Variants in MAN1C1 observed in about 807,000 individuals in gnomAD.
MAN1C1 encodes the protein mannosyl-oligosaccharide 1,2-alpha-mannosidase IC.
In MAN1C1, 49 loss-of-function variants were observed where a neutral mutation model predicts 71.5. That is an observed-to-expected ratio of 0.69 (90% CI 0.54 to 0.87). The LOEUF is 0.87. Among genes scored for constraint, MAN1C1 ranks in the 40% least tolerant of loss-of-function variants. The probability of loss-of-function intolerance (pLI) is 0.00; values close to 1 mark genes in which losing one functional copy is unlikely to be tolerated. For missense variants in MAN1C1, 743 were observed against 835.0 expected, an observed-to-expected ratio of 0.89 and a Z score of 1.36; for synonymous variants, 352 against 343.7, an observed-to-expected ratio of 1.02 and a Z score of -0.27.
At chr1:25,657,539 T>C (rs919392611) in intron 1 of MAN1C1, among the ~76,000 whole-genome samples, 18 of 152,226 alleles carry the variant, frequency 1.2e-4, no homozygotes, top group African/African-American at 3.6e-4. Flanking sequence ...AAGAAATAAT[T>C]TCCTACCCAT....
At chr1:25,758,859 ATAG>A in intron 6 of MAN1C1, 150 bp downstream of exon 6, 1 of 706,840 alleles carries the variant, frequency 1.4e-6, no homozygotes, top group Non-Finnish European at 2.5e-6. Context: ...AAGGTAGCAA[ATAG>A]TAGCTACCTA....
intron 2 of MAN1C1, among the ~76,000 whole-genome samples, chr1:25,727,242 G>T (rs904301669): frequency 1.3e-5 from 2 of 152,142 alleles, no homozygotes; most frequent in Admixed American, 1.3e-4. Context: ...CACTGCTCAG[G>T]GTGGGGATAA....
At chr1:25,713,260 A>T (rs1251821443) in intron 2 of MAN1C1, among the ~76,000 whole-genome samples, 4 of 152,102 alleles carry the variant, frequency 2.6e-5, no homozygotes, top group Non-Finnish European at 5.9e-5. Flanking sequence ...GAACAAGGAG[A>T]TGGAGGGATG....
intron 2 of MAN1C1, among the ~76,000 whole-genome samples, chr1:25,690,569 G>A (rs1369892399): frequency 6.6e-6 from 1 of 152,222 alleles, no homozygotes; most frequent in East Asian, 1.9e-4. Flanking sequence ...GGGATTACAG[G>A]CATGAGCCAC....
intron 1 of MAN1C1, among the ~76,000 whole-genome samples, chr1:25,636,611 A>G (rs1302868764): frequency 2.0e-5 from 3 of 152,190 alleles, no homozygotes. Context: ...TTCAAGGTAC[A>G]CTGATTTCAT....
At position 25,782,550 on chromosome 1, in the gene MAN1C1, A is replaced by T; in HGVS notation, c.1651-35A>T. 6.8e-7 allele frequency: 1 copy of T among 1,465,730 alleles called. No individual in the cohort carries two copies. Among genetic ancestry groups the T allele is most frequent in the Non-Finnish European group, 9.6e-7 (1 of 1,044,862 alleles). 90.8% of individuals were successfully genotyped at this position (1,465,730 alleles called of 1,614,324 possible). On this transcript the variant is annotated intron_variant, in intron 10 of 11. Transcript: ENST00000374332. The surrounding 1 kb of genome is among the most constrained non-coding windows in gnomAD (Gnocchi z 4.4). ...TGAGGGGCCTTTCCTGTCCCGTGTTAAGGCTGTTTTCCTCCTCCTCTTCCC... is the reference window on the plus strand; with the variant it reads ...TGAGGGGCCTTTCCTGTCCCGTGTTTAGGCTGTTTTCCTCCTCCTCTTCCC...
chr1:25,650,982 G>T (rs1169179387), intron 1 of MAN1C1, among the ~76,000 whole-genome samples: 3 of 152,014 alleles, frequency 2.0e-5, no homozygotes, highest in African/African-American at 7.3e-5. Context: ...TATTCATTCA[G>T]TAAGTAAGAA....
At chr1:25,673,774 C>A (rs1433942716) in intron 1 of MAN1C1, among the ~76,000 whole-genome samples, 1 of 152,166 alleles carries the variant, frequency 6.6e-6, no homozygotes, top group East Asian at 1.9e-4. Flanking sequence ...CACAATATGT[C>A]CCATAAATGT....
At chr1:25,699,986 T>C (rs1244465594) in intron 2 of MAN1C1, among the ~76,000 whole-genome samples, 1 of 152,176 alleles carries the variant, frequency 6.6e-6, no homozygotes, top group African/African-American at 2.4e-5. Context: ...ATAGGAATTG[T>C]TGAAAAATTC....
chr1:25,650,325 A>G (rs180884126), intron 1 of MAN1C1, among the ~76,000 whole-genome samples: 46 of 152,324 alleles, frequency 3.0e-4, no homozygotes, highest in African/African-American at 1.1e-3. Context: ...ACCTTAATGA[A>G]TGTGTGTAAA....
intron 1 of MAN1C1, chr1:25,646,118 G>A (rs1193405984): frequency 4.6e-5 from 7 of 152,306 alleles, no homozygotes; most frequent in South Asian, 2.1e-4. Context: ...TGTTCGCTGC[G>A]TTTTCAGCAG....
At chr1:25,653,454 T>A (rs1292196132) in intron 1 of MAN1C1, among the ~76,000 whole-genome samples, 2 of 152,144 alleles carry the variant, frequency 1.3e-5, no homozygotes, top group Admixed American at 6.5e-5. Flanking sequence ...TGGTAAACCA[T>A]CTTTTTGTGT....
intron 2 of MAN1C1, among the ~76,000 whole-genome samples, chr1:25,719,093 A>T (rs567953831): frequency 1.4e-5 from 2 of 143,258 alleles, no homozygotes; most frequent in South Asian, 4.4e-4. Flanking sequence ...TATTATTGAG[A>T]CGGAGTTTTG....
intron 1 of MAN1C1, among the ~76,000 whole-genome samples, chr1:25,627,022 G>C (rs1419316583): frequency 6.6e-6 from 1 of 151,930 alleles, no homozygotes; most frequent in East Asian, 1.9e-4. Context: ...TTTACATTTA[G>C]GTCTTTCATT....
intron 2 of MAN1C1, among the ~76,000 whole-genome samples, chr1:25,714,874 G>T (rs1046533026): frequency 1.3e-5 from 2 of 152,138 alleles, no homozygotes; most frequent in Non-Finnish European, 2.9e-5. Context: ...TATTTTAAGG[G>T]TGACATTGAC....
At chr1:25,773,952 C>G (rs763406167) in intron 8 of MAN1C1, among the ~76,000 whole-genome samples, 6 of 152,174 alleles carry the variant, frequency 3.9e-5, no homozygotes, top group Non-Finnish European at 7.3e-5. Context: ...GACTGCACCC[C>G]TGACTCAGAA....
intron 3 of MAN1C1, among the ~76,000 whole-genome samples, chr1:25,748,516 G>A (rs959935020): frequency 6.6e-6 from 1 of 152,174 alleles, no homozygotes; most frequent in Non-Finnish European, 1.5e-5. Flanking sequence ...CACGGGAGGG[G>A]TTGGCAGCCC....
At chr1:25,618,780 C>T (rs1445095089) in intron 1 of MAN1C1, among the ~76,000 whole-genome samples, 1 of 152,062 alleles carries the variant, frequency 6.6e-6, no homozygotes, top group Non-Finnish European at 1.5e-5. Flanking sequence ...AGTCCAAAAC[C>T]CCTATAGGAC....
At position 25,778,426 on chromosome 1, in the gene MAN1C1, G is replaced by A; in HGVS notation, c.1477+102G>A. The A allele has an allele frequency of 3.4e-6, 4 of 1,175,460 alleles. 1 individual carries two copies. In the South Asian group the frequency reaches 6.3e-5, roughly 19 times the overall value. The allele number at this position is 1,175,460 out of a possible 1,614,324, so 72.8% of individuals were successfully genotyped here. ...TGAGCGAAGGGAGCACATGGCCTTA[G>A]GGAAGCCTCCCCTTGGAAGTTAAGT... On this transcript the variant is annotated intron_variant, in intron 9 of 11. Transcript: ENST00000374332. The surrounding 1 kb of genome is among the most constrained non-coding windows in gnomAD (Gnocchi z 5.5).
Sources: gnomAD v4.1 joint callset for allele counts (sites outside exome capture counted in the v4.1 genomes callset) on GRCh38, gnomAD v4.1.1 for gene constraint, Gnocchi (gnomAD v3.1) non-coding constraint, MANE v1.5 for transcripts, NCBI Gene and HGNC (gene_info 2026-07-23, HGNC 2026-07-21) for gene names.